Variants in DMD observed in about 807,000 individuals in gnomAD.
The protein encoded by DMD is dystrophin.
A neutral mutation model predicts 330.1 loss-of-function variants in DMD; 63 were observed. That is an observed-to-expected ratio of 0.19 (90% CI 0.16 to 0.24). DMD has a LOEUF of 0.24. DMD is among the 10% of genes least tolerant of loss of function. DMD has a pLI of 1.00. For synonymous variants in DMD, 1,223 were observed against 959.8 expected (o/e 1.27, Z -5.07); for missense variants, 3,344 against 2,684.1 (o/e 1.25, Z -5.43).
At chrX:32,175,206 G>C (rs747511126) in intron 44 of DMD, among the ~76,000 whole-genome samples, 2 of 111,186 alleles carry the variant, frequency 1.8e-5, no homozygotes, top group Non-Finnish European at 3.8e-5. Context: ...GTCGAGTGGG[G>C]ACTTGGGGAA....
chrX:32,322,647 G>A (rs757442024), intron 41 of DMD, among the ~76,000 whole-genome samples: 4 of 111,703 alleles, frequency 3.6e-5, no homozygotes, highest in East Asian at 5.6e-4. Flanking sequence ...TGAAATTTCT[G>A]TACTTCAATA....
At chrX:31,622,873 TATATACACACACACAC>T (rs1221011708) in intron 55 of DMD, among the ~76,000 whole-genome samples, 1 of 86,929 alleles carries the variant, frequency 1.2e-5, no homozygotes, top group African/African-American at 4.3e-5. Flanking sequence ...TATATATATA[TATATACACACACACAC>T]ACACACACAC....
intron 44 of DMD, among the ~76,000 whole-genome samples, chrX:32,041,648 G>A (rs1014347623): frequency 9.0e-6 from 1 of 110,748 alleles, no homozygotes; most frequent in African/African-American, 3.3e-5. Context: ...CACATTGAAA[G>A]ACTCATTGTC....
intron 12 of DMD, among the ~76,000 whole-genome samples, chrX:32,604,810 C>CAA (rs145750291): frequency 0.094 from 9,025 of 96,113 alleles, 369 homozygotes; most frequent in Middle Eastern, 0.11. Context: ...ACAACAACTA[C>CAA]AAAAAAAAAA....
intron 44 of DMD, among the ~76,000 whole-genome samples, chrX:32,199,780 T>TTGTGTGTGTG (rs35897988): frequency 0.024 from 2,038 of 83,998 alleles, 43 homozygotes; most frequent in Admixed American, 0.044. Flanking sequence ...CGCAAGGCTT[T>TTGTGTGTGTG]TGTGTGTGTG....
chrX:33,226,735 A>G (rs1398127286), intron 1 of DMD, among the ~76,000 whole-genome samples: 3 of 110,837 alleles, frequency 2.7e-5, no homozygotes, highest in Non-Finnish European at 5.7e-5. Flanking sequence ...AAAATGGCAC[A>G]CAGGATCTTT....
At chrX:32,897,461 C>A (rs1232683948) in intron 2 of DMD, among the ~76,000 whole-genome samples, 1 of 111,398 alleles carries the variant, frequency 9.0e-6, no homozygotes, top group East Asian at 2.8e-4. Context: ...TTAAAAACCT[C>A]ATAGTTTTAG....
chrX:31,300,822 G>A (rs182876782), intron 62 of DMD, among the ~76,000 whole-genome samples: 500 of 111,985 alleles, frequency 4.5e-3, no homozygotes, highest in Non-Finnish European at 7.4e-3. Context: ...AAAATGTATT[G>A]CTCAGACTTC....
At chrX:32,823,126 T>G (rs2078411541) in intron 5 of DMD, among the ~76,000 whole-genome samples, 169 bp downstream of exon 5, 1 of 111,937 alleles carries the variant, frequency 8.9e-6, no homozygotes, top group South Asian at 3.7e-4. Flanking sequence ...TTTTATACCG[T>G]GATGATCCTT....
intron 9 of DMD, among the ~76,000 whole-genome samples, chrX:32,689,361 C>A (rs2063108511): frequency 9.0e-6 from 1 of 110,843 alleles, no homozygotes; most frequent in African/African-American, 3.3e-5. Context: ...CAAATCTGAA[C>A]TGTGTAAAAA....
Position 32,024,486 on chromosome X carries a change from CAAAA to C in DMD, c.6439-55976_6439-55973del, listed in dbSNP as rs71872956. Among the ~76,000 whole-genome samples the C allele has an allele frequency of 7.0e-3, 431 of 61,602 alleles. 6 individuals are homozygous for C. The highest frequency in any genetic ancestry group is 0.015 in the East Asian group (27 of 1,788). The allele number at this position is 61,602 out of a possible 115,157, so 53.5% of individuals were successfully genotyped here. On this transcript the variant is annotated intron_variant, in intron 44 of 78. Transcript: ENST00000357033. ...TGGGCGAAAGAGCGAAACTCCCTCTCAAAAAAAAAAAAAAAAAAAAAAGTATGAA... is the reference window on the plus strand; with the variant it reads ...TGGGCGAAAGAGCGAAACTCCCTCTCAAAAAAAAAAAAAAAAAAGTATGAA...
intron 50 of DMD, among the ~76,000 whole-genome samples, chrX:31,787,472 C>T (rs1449805646): frequency 8.9e-6 from 1 of 112,052 alleles, no homozygotes; most frequent in African/African-American, 3.2e-5. Flanking sequence ...GGATTGTTGG[C>T]ATATTTATTG....
At chrX:33,030,093 A>G (rs1434411088) in intron 1 of DMD, among the ~76,000 whole-genome samples, 2 of 111,445 alleles carry the variant, frequency 1.8e-5, no homozygotes, top group Admixed American at 1.9e-4. Context: ...TAATAAAGAT[A>G]CTGAATTGTG....
At chrX:33,297,637 A>G (rs1429117880) in intron 1 of DMD, among the ~76,000 whole-genome samples, 1 of 111,731 alleles carries the variant, frequency 9.0e-6, no homozygotes, top group African/African-American at 3.2e-5. Flanking sequence ...GTATACAATG[A>G]AATATTATTC....
At chrX:32,665,212 G>C (rs2061227619) in intron 9 of DMD, among the ~76,000 whole-genome samples, 2 of 111,708 alleles carry the variant, frequency 1.8e-5, no homozygotes, top group African/African-American at 3.3e-5. Flanking sequence ...TTTGGCAATT[G>C]AGTGTTACCA....
intron 55 of DMD, among the ~76,000 whole-genome samples, chrX:31,527,156 T>A (rs2073306193): frequency 9.0e-6 from 1 of 111,393 alleles, no homozygotes; most frequent in Admixed American, 9.5e-5. Flanking sequence ...CCAATCTGAA[T>A]CACAGATTGA....
rs759147966 is a variant in DMD at position 32,492,582 on chromosome X, G to A, written c.2381-1064C>T. On this transcript the variant is annotated intron_variant, in intron 19 of 78. Transcript: ENST00000357033. ...TATGCTATGTCATTTCATATATGAC[G>A]AACGCCAGTCCAAGTACATATTATT... 4.1e-4 allele frequency among the ~76,000 whole-genome samples: 46 copies of A among 111,231 alleles called. No individual in the cohort carries two copies. The South Asian group carries it at 4.5e-3, about 11-fold the overall frequency.
intron 44 of DMD, among the ~76,000 whole-genome samples, chrX:32,205,043 CCACACA>C (rs201384394): frequency 6.0e-5 from 2 of 33,498 alleles, no homozygotes; most frequent in Non-Finnish European, 1.5e-4. Context: ...ACACACACAC[CCACACA>C]CACACAGTCG....
At chrX:31,575,559 T>C (rs781471304) in intron 55 of DMD, among the ~76,000 whole-genome samples, 1 of 112,005 alleles carries the variant, frequency 8.9e-6, no homozygotes, top group Non-Finnish European at 1.9e-5. Flanking sequence ...TGAGTACATA[T>C]TTTAGAGTTT....
Sources: allele counts gnomAD v4.1 joint callset (sites outside exome capture counted in the v4.1 genomes callset), GRCh38; gene constraint gnomAD v4.1.1; transcripts MANE v1.5; gene names NCBI Gene and HGNC (gene_info 2026-07-23, HGNC 2026-07-21).